Variants in DDX23 observed in about 807,000 individuals in gnomAD.
The protein encoded by DDX23 is probable ATP-dependent RNA helicase DDX23.
A neutral mutation model predicts 102.7 loss-of-function variants in DDX23; 33 were observed. The observed-to-expected ratio is 0.32, with a 90% CI of 0.24 to 0.43. DDX23 has a LOEUF of 0.43. DDX23 is among the 20% of genes least tolerant of loss of function. The pLI is 1.00. For synonymous variants in DDX23, 352 were observed against 376.0 expected, an observed-to-expected ratio of 0.94 and a Z score of 0.74; for missense variants, 549 against 1,086.6, an observed-to-expected ratio of 0.51 and a Z score of 6.96.
intron 1 of DDX23, among the ~76,000 whole-genome samples, chr12:48,851,554 G>A (rs1938759874): frequency 6.6e-6 from 1 of 152,232 alleles, no homozygotes. Flanking sequence ...AGGCTCAGAT[G>A]TAGTAATACA....
chr12:48,832,811 T>A lies in DDX23; in HGVS notation c.1804-238A>T. The A allele has an allele frequency of 3.5e-6, 2 of 565,114 alleles. No individual in the cohort carries two copies. The highest frequency in any genetic ancestry group is 6.1e-6 in the Non-Finnish European group (2 of 325,704). The allele number at this position is 565,114 out of a possible 1,614,324, so 35.0% of individuals were successfully genotyped here. A position where few individuals can be genotyped will look rare whatever the true frequency, so the allele number is the denominator to read the frequency against. On this transcript the variant is annotated intron_variant, in intron 13 of 16. Coordinates refer to ENST00000308025, the MANE Select transcript of DDX23 (RefSeq NM_004818.3). The surrounding 1 kb of genome is among the most constrained non-coding windows in gnomAD (Gnocchi z 4.4). ...GATTGAGAGCATTTGCTAGCACCTG[T>A]GGTCCCGGTAGCAGCATGAGTCTTT...
At chr12:48,842,514 C>CTCT (rs1286270543) in intron 3 of DDX23, among the ~76,000 whole-genome samples, 75 of 139,304 alleles carry the variant, frequency 5.4e-4, no homozygotes, top group African/African-American at 1.8e-3. Flanking sequence ...GTCAGCCCCC[C>CTCT]GCCCGGCCAG....
intron 1 of DDX23, among the ~76,000 whole-genome samples, chr12:48,851,570 TC>T (rs1330278978): frequency 6.6e-6 from 1 of 152,224 alleles, no homozygotes; most frequent in African/African-American, 2.4e-5. Context: ...ATACAGGTGT[TC>T]AAAGGCGTTT....
In DDX23 at chr12:48,840,224, G is replaced by A. The variant is rs1489561127; in HGVS notation, c.321-118C>T. Reference sequence around the variant, plus strand: ...CATGACTCAACAAGACTGGCCCATGGTCATCTATCATGTCTTGAAACTCTC... The same window carrying A: ...CATGACTCAACAAGACTGGCCCATGATCATCTATCATGTCTTGAAACTCTC... On this transcript the variant is annotated intron_variant, in intron 3 of 16. Transcript: ENST00000308025. 6 of 811,524 alleles carry A rather than the reference G, an allele frequency of 7.4e-6. No individual in the cohort carries two copies. The East Asian group carries it at 1.2e-4, about 17-fold the overall frequency. The allele number at this position is 811,524 out of a possible 1,614,324, so 50.3% of individuals were successfully genotyped here. A position where few individuals can be genotyped will look rare whatever the true frequency, so the allele number is the denominator to read the frequency against.
At position 48,832,619 on chromosome 12, in the gene DDX23, A is replaced by G; in HGVS notation, c.1804-46T>C. ...GCCCTGCACCCAGGCAGGAATAATC[A>G]TATATCCCACTGTCACCGAAGGCAG... is the stretch of plus-strand genomic sequence containing the variant. On this transcript the variant is annotated intron_variant, in intron 13 of 16. Transcript: ENST00000308025. The surrounding 1 kb of genome is among the most constrained non-coding windows in gnomAD (Gnocchi z 4.4). 1 of 1,601,824 alleles carries G rather than the reference A, an allele frequency of 6.2e-7. No individual in the cohort carries two copies. Among genetic ancestry groups the G allele is most frequent in the African/African-American group, 1.3e-5 (1 of 74,820 alleles).
In DDX23 at chr12:48,836,758, C is replaced by T; in HGVS notation, c.1047G>A (p.Lys349=). 6.2e-7 allele frequency: 1 copy of T among 1,614,204 alleles called. No individual in the cohort carries two copies. Among genetic ancestry groups the T allele is most frequent in the South Asian group, 1.1e-5 (1 of 91,082 alleles). Residue 349 remains lysine, a synonymous_variant, in exon 10 of 17, where the codon AAG becomes AAA. Transcript: ENST00000308025. This position sits in a 1 kb window ranked among gnomAD's most constrained non-coding sequence, Gnocchi z 6.1. The part of the protein sequence containing the change: ...RLRKLRKKEA[K]QRWDDRHWSQ... ...ACCAATGACGATCATCCCAGCGCTG[C>T]TTGGCTTCCTTCTTACGAAGTTTGC...
At chr12:48,844,588 C>A (rs899906773) in intron 2 of DDX23, among the ~76,000 whole-genome samples, 3 of 151,210 alleles carry the variant, frequency 2.0e-5, no homozygotes, top group African/African-American at 7.3e-5. Flanking sequence ...CACAGATGAA[C>A]CTTCCTTGAT....
chr12:48,848,911 G>A (rs892865156), intron 1 of DDX23, among the ~76,000 whole-genome samples: 4 of 151,852 alleles, frequency 2.6e-5, no homozygotes, highest in Non-Finnish European at 2.9e-5. Context: ...GCCACACCAC[G>A]CCTGGCTAAT....
intron 3 of DDX23, 154 bp from the exon 4 acceptor site, chr12:48,840,260 T>A: frequency 1.4e-6 from 1 of 713,142 alleles, no homozygotes; most frequent in East Asian, 2.6e-5. Context: ...TTAGCAGGCA[T>A]GGTCATTCTG....
In DDX23 at chr12:48,836,583, T is replaced by G; in HGVS notation, c.1222A>C (p.Lys408Gln). ...TCCCTCCTTACCTTGTAGCCACACT[T>G]ATCAATGACCTCCAAGATGTGTGGG... ...LPPHILEVID[K>Q]CGYKEPTPIQ... Residue 408 changes from lysine (K) to glutamine (Q), a missense_variant, in exon 10 of 17, where the codon AAG becomes CAG. Lys to Gln is a moderately conservative substitution (Grantham distance 53). Transcript: ENST00000308025. This position sits in a 1 kb window ranked among gnomAD's most constrained non-coding sequence, Gnocchi z 6.1. The G allele has an allele frequency of 6.2e-7, 1 of 1,613,480 alleles. No homozygotes were observed. The highest frequency in any genetic ancestry group is 8.5e-7 in the Non-Finnish European group (1 of 1,179,976).
At chr12:48,839,637 G>A (rs1211257628) in intron 5 of DDX23, 2 of 581,288 alleles carry the variant, frequency 3.4e-6, no homozygotes, top group African/African-American at 1.9e-5. Context: ...GTGTACAGAG[G>A]GAGGACCATG....
Position 48,837,958 on chromosome 12 carries a change from C to A in DDX23, c.603G>T (p.Leu201Phe). 1 of 1,613,098 alleles carries A rather than the reference C, an allele frequency of 6.2e-7. No homozygotes were observed. The highest frequency in any genetic ancestry group is 8.5e-7 in the Non-Finnish European group (1 of 1,180,026). Reference protein sequence around the residue: ...ERKKRKQFQDLGRKMLEDPQE... With the variant: ...ERKKRKQFQDFGRKMLEDPQE... ...ATAACAAACCCAACATCTTCCTGCC[C>A]AAGTCTTGGAACTGTTTCCTTTTCT... The change falls in exon 6 of 17, where the codon TTG (leucine) becomes TTT (phenylalanine). Residue 201 changes from leucine to phenylalanine, a missense_variant. Physicochemically the swap from Leu to Phe is conservative, Grantham distance 22. Around this residue, in one of 4 missense-constraint regions of DDX23, gnomAD observed 241 missense variants for 267.0 expected, o/e 0.90. Coordinates refer to ENST00000308025, the MANE Select transcript of DDX23 (RefSeq NM_004818.3).
rs1372791963 is a variant in DDX23, at chr12:48,832,896, T to C, written c.1804-323A>G. On this transcript the variant is annotated intron_variant, in intron 13 of 16. Transcript: ENST00000308025. This position sits in a 1 kb window ranked among gnomAD's most constrained non-coding sequence, Gnocchi z 4.4. Reference sequence around the variant, plus strand: ...CACCCTTAGGACTGTCAGAGGACTGTACCTAGGCACACTTCATTCTAGAAA... The same window carrying C: ...CACCCTTAGGACTGTCAGAGGACTGCACCTAGGCACACTTCATTCTAGAAA... 2.2e-6 allele frequency: 1 copy of C among 458,524 alleles called. No individual in the cohort carries two copies. Among genetic ancestry groups the C allele is most frequent in the African/African-American group, 2.0e-5 (1 of 51,098 alleles). 28.4% of individuals were successfully genotyped at this position (458,524 alleles called of 1,614,324 possible). A position where few individuals can be genotyped will look rare whatever the true frequency, so the allele number is the denominator to read the frequency against.
intron 2 of DDX23, among the ~76,000 whole-genome samples, chr12:48,845,045 G>A (rs1380881789): frequency 6.6e-6 from 1 of 151,684 alleles, no homozygotes; most frequent in Non-Finnish European, 1.5e-5. Context: ...CCAGCTATTC[G>A]GGAGGCTGAG....
rs1215940246 is a variant in DDX23, at chr12:48,832,167, A to C, written c.1975T>G (p.Leu659Val). Residue 659 changes from leucine (L) to valine (V), a missense_variant, in exon 15 of 17, where the codon TTG (leucine) becomes GTG (valine). By Grantham distance (32) the Leu-to-Val change is conservative. Around this residue, in one of 4 missense-constraint regions of DDX23, gnomAD observed 270 missense variants for 707.0 expected, o/e 0.38. Coordinates refer to ENST00000308025, the MANE Select transcript of DDX23 (RefSeq NM_004818.3). The surrounding 1 kb of genome is among the most constrained non-coding windows in gnomAD (Gnocchi z 4.4). ...ATGGGTGGGTCAAAGCCTTGCTCCA[A>C]GATTGCCAGCAGCTTTTTCCTGGAA... ...SEKRKKLLAILEQGFDPPIII... is the reference protein window; with the variant it reads ...SEKRKKLLAIVEQGFDPPIII... 37 of 1,613,910 alleles carry C rather than the reference A, an allele frequency of 2.3e-5. No individual in the cohort carries two copies. The highest frequency in any genetic ancestry group is 3.1e-5 in the Non-Finnish European group (36 of 1,180,026).
rs546275320 is a variant in DDX23, at chr12:48,830,849, A to G, written c.2240-157T>C. 2.6e-4 allele frequency among the ~76,000 whole-genome samples: 40 copies of G among 152,276 alleles called. No homozygotes were observed. Among genetic ancestry groups the G allele is most frequent in the African/African-American group, 9.1e-4 (38 of 41,558 alleles). The stretch of plus-strand genomic sequence containing the variant: ...CTGAGGCGCCCACAGTGCCCTCTCC[A>G]GGTGCCCATCTCCCCTGTCCTCCTA... On this transcript the variant is annotated intron_variant, in intron 16 of 16. Transcript: ENST00000308025. This position sits in a 1 kb window ranked among gnomAD's most constrained non-coding sequence, Gnocchi z 4.9.
chr12:48,851,741 GGACT>G (rs1938763285), intron 1 of DDX23, among the ~76,000 whole-genome samples: 1 of 152,218 alleles, frequency 6.6e-6, no homozygotes, highest in Non-Finnish European at 1.5e-5. Flanking sequence ...GGGAAAACAT[GGACT>G]GACTGCGAGA....
intron 1 of DDX23, among the ~76,000 whole-genome samples, chr12:48,849,651 CCTCT>C (rs1012622371): frequency 3.0e-4 from 45 of 151,260 alleles, no homozygotes; most frequent in Non-Finnish European, 4.6e-4. Flanking sequence ...AGCAAGACTC[CCTCT>C]GTCTCGAGAG....
rs768510377 is a variant in DDX23, at chr12:48,837,636, C to T, written c.641G>A (p.Arg214His). Residue 214 changes from arginine to histidine, a missense_variant, in exon 7 of 17, where the codon CGT (arginine) becomes CAT (histidine). By Grantham distance (29) the Arg-to-His change is conservative. Transcript: ENST00000308025. ...KMLEDPQERE[R>H]RERRERMERE... Reference sequence around the variant, plus strand: ...TTCCATCCTCTCCCTGCGTTCCCGACGTTCCCGTTCCTGAGGATCTTCTGC... The same window carrying T: ...TTCCATCCTCTCCCTGCGTTCCCGATGTTCCCGTTCCTGAGGATCTTCTGC... The T allele has an allele frequency of 2.5e-6, 4 of 1,614,078 alleles. No individual in the cohort carries two copies. The highest frequency in any genetic ancestry group is 2.2e-5 in the South Asian group (2 of 91,082).
Sources: gnomAD v4.1 joint callset for allele counts (sites outside exome capture counted in the v4.1 genomes callset) on GRCh38, gnomAD v4.1.1 for gene constraint, gnomAD v4.1.1 regional missense constraint, Gnocchi (gnomAD v3.1) non-coding constraint, MANE v1.5 for transcripts, NCBI Gene and HGNC (gene_info 2026-07-23, HGNC 2026-07-21) for gene names.